The following SCD5 variants were observed in gnomAD, a reference collection of about 807,000 sequenced individuals.
SCD5 encodes the protein stearoyl-CoA desaturase 5, also known as acyl-CoA-desaturase 4.
In SCD5, 20 loss-of-function variants were observed where a neutral mutation model predicts 30.4. The ratio of observed to expected loss-of-function variants is 0.66; its 90% CI spans 0.46 to 0.96. The LOEUF is 0.96. Among genes scored for constraint, SCD5 ranks in the 40% least tolerant of loss-of-function variants. SCD5 has a pLI of 0.00. For synonymous variants in SCD5, 173 were observed against 176.4 expected (o/e 0.98, Z 0.16); for missense variants, 381 against 443.3 (o/e 0.86, Z 1.26).
At chr4:82,660,770 T>A in intron 3 of SCD5, 1 of 1,569,868 alleles carries the variant, frequency 6.4e-7, no homozygotes, top group South Asian at 1.2e-5. Context: ...AGACTGCAGC[T>A]CTGTCTATGC....
At chr4:82,776,300 C>T (rs562915653) in intron 1 of SCD5, among the ~76,000 whole-genome samples, 3 of 152,224 alleles carry the variant, frequency 2.0e-5, no homozygotes, top group South Asian at 4.1e-4. Context: ...AATATTAAAC[C>T]TTAACTCTTT....
intron 3 of SCD5, among the ~76,000 whole-genome samples, chr4:82,663,619 A>G (rs1396973043): frequency 1.3e-5 from 2 of 152,234 alleles, no homozygotes; most frequent in African/African-American, 4.8e-5. Flanking sequence ...CAGGATATAA[A>G]TAACTCCCAC....
intron 1 of SCD5, among the ~76,000 whole-genome samples, chr4:82,749,416 A>G (rs1054636953): frequency 6.6e-6 from 1 of 152,246 alleles, no homozygotes; most frequent in African/African-American, 2.4e-5. Context: ...CAGGCCAGCT[A>G]GGCTTCTCTT....
chr4:82,687,192 AAGAAAGAAAGAAAAG>A (rs1230048002), intron 2 of SCD5, among the ~76,000 whole-genome samples: 2 of 25,246 alleles, frequency 7.9e-5, no homozygotes, highest in African/African-American at 3.2e-4. Flanking sequence ...AAAAAAAAGA[AAGAAAGAAAGAAAAG>A]AAAGAAAGAA....
chr4:82,669,041 A>G (rs948229713), intron 3 of SCD5, among the ~76,000 whole-genome samples: 1 of 152,312 alleles, frequency 6.6e-6, no homozygotes, highest in African/African-American at 2.4e-5. Context: ...GACTGAGAAC[A>G]AAAAGAGACT....
At chr4:82,765,579 T>C (rs1229828382) in intron 1 of SCD5, among the ~76,000 whole-genome samples, 1 of 152,170 alleles carries the variant, frequency 6.6e-6, no homozygotes, top group Non-Finnish European at 1.5e-5. Flanking sequence ...ATTGTTATAC[T>C]GTATTGCTTT....
At chr4:82,744,909 A>C (rs2148840187) in intron 1 of SCD5, among the ~76,000 whole-genome samples, 1 of 152,202 alleles carries the variant, frequency 6.6e-6, no homozygotes, top group East Asian at 1.9e-4. Flanking sequence ...GCATTTATTC[A>C]TGCAGTATAA....
chr4:82,732,751 G>A (rs538268601), intron 1 of SCD5, among the ~76,000 whole-genome samples: 1 of 152,284 alleles, frequency 6.6e-6, no homozygotes, highest in African/African-American at 2.4e-5. Flanking sequence ...CATGCAAGCT[G>A]GCCACTCTGG....
chr4:82,769,160 G>A (rs1340615846), intron 1 of SCD5, among the ~76,000 whole-genome samples: 1 of 152,128 alleles, frequency 6.6e-6, no homozygotes, highest in East Asian at 1.9e-4. Context: ...TCTCCTTGAA[G>A]GGTCTTCTGA....
At chr4:82,749,785 A>G (rs1005839776) in intron 1 of SCD5, among the ~76,000 whole-genome samples, 4 of 152,248 alleles carry the variant, frequency 2.6e-5, no homozygotes, top group African/African-American at 9.6e-5. Context: ...ATTAGAAATC[A>G]TTGCTTTAGA....
intron 3 of SCD5, among the ~76,000 whole-genome samples, chr4:82,651,686 G>A (rs1727755060): frequency 6.6e-6 from 1 of 152,166 alleles, no homozygotes; most frequent in African/African-American, 2.4e-5. Context: ...GGCTGAGGTG[G>A]GCAGATCACC....
At chr4:82,764,943 T>A (rs1721456422) in intron 1 of SCD5, among the ~76,000 whole-genome samples, 4 of 152,188 alleles carry the variant, frequency 2.6e-5, no homozygotes, top group Admixed American at 2.0e-4. Flanking sequence ...GTCAGGCTAG[T>A]CTCAAACTCC....
chr4:82,788,422 G>A (rs976569129), intron 1 of SCD5, among the ~76,000 whole-genome samples: 19 of 151,866 alleles, frequency 1.3e-4, no homozygotes, highest in South Asian at 4.2e-4. Flanking sequence ...TGACAGTCTC[G>A]CTCCGTCACC....
chr4:82,761,778 T>G (rs950726718), intron 1 of SCD5, among the ~76,000 whole-genome samples: 2 of 151,358 alleles, frequency 1.3e-5, no homozygotes, highest in Admixed American at 1.3e-4. Flanking sequence ...CCCCTTCCTG[T>G]GTCCATGTGA....
At chr4:82,714,086 C>T (rs1412662196) in intron 1 of SCD5, among the ~76,000 whole-genome samples, 4 of 152,214 alleles carry the variant, frequency 2.6e-5, no homozygotes, top group Non-Finnish European at 5.9e-5. Flanking sequence ...TTCCTGTCTG[C>T]CTGTCTGTAT....
chr4:82,687,173 GAAAAA>G (rs58937590), intron 2 of SCD5, among the ~76,000 whole-genome samples: 67 of 108,636 alleles, frequency 6.2e-4, no homozygotes, highest in East Asian at 1.1e-3. Context: ...CTTGTTACAA[GAAAAA>G]AAAAAAAAAA....
intron 1 of SCD5, among the ~76,000 whole-genome samples, chr4:82,770,183 C>CG (rs1721589711): frequency 1.3e-5 from 2 of 152,156 alleles, no homozygotes; most frequent in Non-Finnish European, 2.9e-5. Context: ...ATCCTGCCCC[C>CG]CTCCCCACAC....
chr4:82,741,430 T>C (rs1387951188), intron 1 of SCD5, among the ~76,000 whole-genome samples: 1 of 152,006 alleles, frequency 6.6e-6, no homozygotes, highest in Non-Finnish European at 1.5e-5. Context: ...TGAGAAGCCA[T>C]GAGACAGAAA....
chr4:82,684,243 C>A (rs1037544432), intron 2 of SCD5, among the ~76,000 whole-genome samples: 2 of 152,142 alleles, frequency 1.3e-5, no homozygotes, highest in Non-Finnish European at 2.9e-5. Flanking sequence ...TAATCAAGCA[C>A]ATAATGAAGC....
Sources: gnomAD v4.1 joint callset for allele counts (sites outside exome capture counted in the v4.1 genomes callset) on GRCh38, gnomAD v4.1.1 for gene constraint, MANE v1.5 for transcripts, NCBI Gene and HGNC (gene_info 2026-07-23, HGNC 2026-07-21) for gene names.